CLSTN2: variants seen among roughly 807,000 people sequenced by gnomAD.
CLSTN2 encodes calsyntenin-2.
A neutral mutation model predicts 101.2 loss-of-function variants in CLSTN2; 48 were observed. That is an observed-to-expected ratio of 0.47 (90% confidence interval 0.38 to 0.60). The LOEUF is 0.60. Among genes scored for constraint, CLSTN2 ranks in the 20% least tolerant of loss-of-function variants. CLSTN2 has a pLI of 0.00. For missense variants in CLSTN2, 1,160 were observed against 1,238.2 expected (o/e 0.94, Z 0.95); for synonymous variants, 481 against 463.6 (o/e 1.04, Z -0.48).
chr3:140,390,401 T>C (rs1047427362), intron 2 of CLSTN2, among the ~76,000 whole-genome samples: 1 of 152,234 alleles, frequency 6.6e-6, no homozygotes, highest in Non-Finnish European at 1.5e-5. Flanking sequence ...AATTTACAAA[T>C]ATCTAAAGTT....
rs2087494713 is a variant in CLSTN2, at chr3:140,341,693, G to GC, written c.233-61931dup. Among the ~76,000 whole-genome samples, 4 of 152,106 alleles carry GC rather than the reference G, an allele frequency of 2.6e-5. No individual in the cohort carries two copies. In the South Asian group the frequency reaches 8.3e-4, roughly 32 times the overall value. On this transcript the variant is annotated intron_variant, in intron 2 of 16. Transcript: ENST00000458420. ...TGTGTTCAAGTATTGCTGGTAGTGG[G>GC]CCCCCGGGGGCCCCACACCTCCAGT... is the stretch of plus-strand genomic sequence containing the variant.
At chr3:140,522,270 G>A (rs1271233990) in intron 8 of CLSTN2, among the ~76,000 whole-genome samples, 1 of 152,180 alleles carries the variant, frequency 6.6e-6, no homozygotes. Flanking sequence ...CTGAATTCAG[G>A]CATCACTTTC....
At chr3:140,525,555 A>T (rs1935119989) in intron 8 of CLSTN2, among the ~76,000 whole-genome samples, 1 of 152,162 alleles carries the variant, frequency 6.6e-6, no homozygotes, top group South Asian at 2.1e-4. Flanking sequence ...GAAGAGAAGG[A>T]GCTCCTCCCT....
At chr3:140,382,270 A>C (rs1247397195) in intron 2 of CLSTN2, among the ~76,000 whole-genome samples, 1 of 152,168 alleles carries the variant, frequency 6.6e-6, no homozygotes, top group Non-Finnish European at 1.5e-5. Context: ...CCCAGACTAC[A>C]TGGATCATGT....
chr3:140,529,544 T>G (rs963884140), intron 8 of CLSTN2, among the ~76,000 whole-genome samples: 1 of 152,240 alleles, frequency 6.6e-6, no homozygotes, highest in Admixed American at 6.5e-5. Flanking sequence ...GCCTCCTGGC[T>G]TGATCATTTT....
intron 9 of CLSTN2, among the ~76,000 whole-genome samples, chr3:140,534,859 T>C (rs141690442): frequency 1.1e-4 from 17 of 152,326 alleles, no homozygotes; most frequent in African/African-American, 3.8e-4. Context: ...CCAATAGATA[T>C]TTGTTTGGCT....
At chr3:140,055,537 C>T (rs908586232) in intron 1 of CLSTN2, among the ~76,000 whole-genome samples, 8 of 152,154 alleles carry the variant, frequency 5.3e-5, no homozygotes, top group Non-Finnish European at 1.2e-4. Flanking sequence ...CAAACCAAGG[C>T]GTAAACCTTG....
chr3:140,000,439 A>G (rs1422321450), intron 1 of CLSTN2, among the ~76,000 whole-genome samples: 2 of 152,258 alleles, frequency 1.3e-5, no homozygotes, highest in Admixed American at 1.3e-4. Flanking sequence ...TTGAAATAAG[A>G]TGTAATAAAT....
chr3:140,115,729 A>G (rs2009230282), intron 1 of CLSTN2, among the ~76,000 whole-genome samples: 1 of 152,158 alleles, frequency 6.6e-6, no homozygotes, highest in Non-Finnish European at 1.5e-5. Flanking sequence ...GCCCCAAGAG[A>G]TGGGTTGAAA....
At chr3:140,466,564 GAC>G in intron 7 of CLSTN2, 44 bp from the exon 8 acceptor site, 1 of 1,612,830 alleles carries the variant, frequency 6.2e-7, no homozygotes, top group South Asian at 1.1e-5. Context: ...GGTGGAGGCT[GAC>G]ACAGGGGTTC....
intron 2 of CLSTN2, among the ~76,000 whole-genome samples, chr3:140,216,901 G>A (rs544905076): frequency 5.9e-5 from 9 of 152,174 alleles, no homozygotes; most frequent in Non-Finnish European, 1.0e-4. Context: ...CCATATGCCA[G>A]GCTCTGTCAT....
chr3:140,502,976 C>T (rs779708851), intron 8 of CLSTN2, among the ~76,000 whole-genome samples: 1 of 152,174 alleles, frequency 6.6e-6, no homozygotes, highest in Non-Finnish European at 1.5e-5. Flanking sequence ...AGGCTGTGCT[C>T]CTTCTGGAGG....
chr3:140,030,194 G>A (rs2007517300), intron 1 of CLSTN2, among the ~76,000 whole-genome samples: 1 of 152,092 alleles, frequency 6.6e-6, no homozygotes, highest in South Asian at 2.1e-4. Flanking sequence ...GCCAGGTGCT[G>A]TCCTGGGGAC....
chr3:140,076,138 A>T (rs189315950), intron 1 of CLSTN2, among the ~76,000 whole-genome samples: 70 of 152,082 alleles, frequency 4.6e-4, no homozygotes, highest in African/African-American at 1.6e-3. Flanking sequence ...TACATACCTC[A>T]TGTAAGTGGA....
chr3:139,970,671 C>T (rs2107818752), intron 1 of CLSTN2, among the ~76,000 whole-genome samples: 1 of 152,322 alleles, frequency 6.6e-6, no homozygotes, highest in African/African-American at 2.4e-5. Context: ...GGGCCCTCTG[C>T]CCCTGCAGAT....
At chr3:140,390,962 A>G (rs751256266) in intron 2 of CLSTN2, among the ~76,000 whole-genome samples, 3 of 152,224 alleles carry the variant, frequency 2.0e-5, no homozygotes, top group Non-Finnish European at 4.4e-5. Context: ...TTAACAGACC[A>G]TTAACTTGGT....
intron 2 of CLSTN2, among the ~76,000 whole-genome samples, chr3:140,191,099 T>A (rs2010560274): frequency 6.6e-6 from 1 of 152,084 alleles, no homozygotes; most frequent in African/African-American, 2.4e-5. Flanking sequence ...TATTTTTGGG[T>A]TTCTGTGAGG....
chr3:140,480,082 C>A (rs1458947927), intron 8 of CLSTN2, among the ~76,000 whole-genome samples: 1 of 151,982 alleles, frequency 6.6e-6, no homozygotes, highest in Non-Finnish European at 1.5e-5. Context: ...AGGTATATCT[C>A]CTAATGCTAT....
chr3:140,548,568 A>G (rs1224605447), intron 10 of CLSTN2, among the ~76,000 whole-genome samples: 2 of 152,188 alleles, frequency 1.3e-5, no homozygotes, highest in African/African-American at 4.8e-5. Context: ...AGCTAGGAAA[A>G]AGGCAGTAGT....
Sources: gnomAD v4.1 joint callset for allele counts (sites outside exome capture counted in the v4.1 genomes callset) on GRCh38, gnomAD v4.1.1 for gene constraint, MANE v1.5 for transcripts, NCBI Gene and HGNC (gene_info 2026-07-23, HGNC 2026-07-21) for gene names.